Variants in SEMA3A observed in about 807,000 individuals in gnomAD.
SEMA3A encodes semaphorin 3A.
Under a neutral mutation model 97.9 loss-of-function variants are expected in SEMA3A, and 29 were observed. The observed-to-expected ratio is 0.30, with a 90% CI of 0.22 to 0.40. The LOEUF (loss-of-function observed/expected upper bound fraction) is 0.40, where lower values mean the gene tolerates loss of function less well. SEMA3A is among the 10% of genes least tolerant of loss of function. The pLI, the probability that SEMA3A is intolerant of heterozygous loss-of-function variation, is 1.00. For synonymous variants in SEMA3A, 321 were observed against 323.7 expected, an observed-to-expected ratio of 0.99 and a Z score of 0.09; for missense variants, 763 against 951.3, an observed-to-expected ratio of 0.80 and a Z score of 2.60.
upstream of SEMA3A, among the ~76,000 whole-genome samples, chr7:84,196,353 TTCTCTC>T (rs60887913): frequency 4.2e-4 from 62 of 149,046 alleles, no homozygotes; most frequent in East Asian, 6.0e-4. Context: ...TCGCTCTGCT[TTCTCTC>T]TCTCTCTCTC....
At chr7:84,261,360 T>C (rs1464828492) in intron 3 of SEMA3A, among the ~76,000 whole-genome samples, 3 of 152,050 alleles carry the variant, frequency 2.0e-5, no homozygotes, top group Admixed American at 6.5e-5. Flanking sequence ...AGAGCTATAA[T>C]ACAAATAGGC....
At chr7:84,144,932 C>G (rs73177461) in intron 1 of SEMA3A, among the ~76,000 whole-genome samples, 4,325 of 152,210 alleles carry the variant, frequency 0.028, 93 homozygotes, top group South Asian at 0.072. Flanking sequence ...TTTACACACT[C>G]ATTTGTTTTC....
intron 1 of SEMA3A, among the ~76,000 whole-genome samples, chr7:84,163,414 G>T (rs1797104623): frequency 1.3e-5 from 2 of 151,986 alleles, no homozygotes; most frequent in Admixed American, 1.3e-4. Context: ...GAAACCAACT[G>T]TCCTTATGTT....
intron 3 of SEMA3A, among the ~76,000 whole-genome samples, chr7:84,304,355 G>C (rs1302118422): frequency 3.9e-5 from 6 of 151,958 alleles, no homozygotes; most frequent in African/African-American, 1.4e-4. Context: ...TTTGAGAAGT[G>C]TTATAATAAA....
chr7:84,219,405 C>T (rs1798823479), intron 3 of SEMA3A, among the ~76,000 whole-genome samples: 2 of 152,036 alleles, frequency 1.3e-5, no homozygotes, highest in African/African-American at 4.8e-5. Context: ...TAAGTACACA[C>T]AAAAATAGTT....
intron 3 of SEMA3A, among the ~76,000 whole-genome samples, chr7:84,251,823 A>G (rs1799617050): frequency 6.6e-6 from 1 of 152,198 alleles, no homozygotes; most frequent in African/African-American, 2.4e-5. Flanking sequence ...AAGAGAACCT[A>G]GACCTTCTTT....
At chr7:84,373,029 T>G (rs577060655) in intron 1 of SEMA3A, among the ~76,000 whole-genome samples, 7 of 152,320 alleles carry the variant, frequency 4.6e-5, no homozygotes, top group African/African-American at 1.7e-4. Context: ...TTCGCTCTCT[T>G]GTCCTTTTGC....
intron 1 of SEMA3A, among the ~76,000 whole-genome samples, chr7:84,408,811 A>G (rs926429250): frequency 4.0e-5 from 6 of 151,232 alleles, no homozygotes; most frequent in African/African-American, 1.2e-4. Context: ...ACCAAACACC[A>G]CATGTTCTCA....
intron 1 of SEMA3A, among the ~76,000 whole-genome samples, chr7:84,401,144 A>G (rs1803890453): frequency 6.6e-6 from 1 of 152,182 alleles, no homozygotes. Flanking sequence ...AAAGACTGTT[A>G]TGGCTGATAA....
chr7:84,424,531 A>AATATATAAATATTAATATATAATATATT (rs1804702888), intron 1 of SEMA3A, among the ~76,000 whole-genome samples: 1 of 63,722 alleles, frequency 1.6e-5, no homozygotes, highest in African/African-American at 7.0e-5. Flanking sequence ...TGTTATATAT[A>AATATATAAATATTAATATATAATATATT]ATATATAAAT....
At position 84,315,478 on chromosome 7, in the gene SEMA3A, A is replaced by G. The variant is rs17158826; in HGVS notation, c.-168-8186T>C. Among the ~76,000 whole-genome samples the G allele has an allele frequency of 0.013, 1,918 of 152,274 alleles. 63 individuals are homozygous for G. The East Asian group carries it at 0.15, about 12-fold the overall frequency. ...ATATAATCATTGTATAGAAACAAAT[A>G]AAAAATCATCTAGATGGTCTCTGGT... On this transcript the variant is annotated intron_variant, in intron 2 of 3. Transcript: ENST00000424555.
chr7:84,304,659 T>C (rs1372648523), intron 3 of SEMA3A, among the ~76,000 whole-genome samples: 1 of 152,096 alleles, frequency 6.6e-6, no homozygotes, highest in Non-Finnish European at 1.5e-5. Context: ...AATAATTTTC[T>C]CAAAGTCAAA....
chr7:84,326,809 C>T (rs1478613023), intron 2 of SEMA3A, among the ~76,000 whole-genome samples: 1 of 151,856 alleles, frequency 6.6e-6, no homozygotes, highest in South Asian at 2.1e-4. Flanking sequence ...ACATCATATA[C>T]AAAAATTAAC....
chr7:84,417,450 T>C (rs1351052520), intron 1 of SEMA3A, among the ~76,000 whole-genome samples: 1 of 152,104 alleles, frequency 6.6e-6, no homozygotes, highest in Non-Finnish European at 1.5e-5. Context: ...GATAAACATG[T>C]ATAAATGTAA....
At chr7:84,410,435 A>G (rs1269299811) in intron 1 of SEMA3A, among the ~76,000 whole-genome samples, 1 of 152,108 alleles carries the variant, frequency 6.6e-6, no homozygotes, top group African/African-American at 2.4e-5. Flanking sequence ...TTAATTCCCA[A>G]CCCAGATTGC....
chr7:84,151,875 G>T (rs973879201), intron 1 of SEMA3A, among the ~76,000 whole-genome samples: 4 of 152,040 alleles, frequency 2.6e-5, no homozygotes, highest in African/African-American at 9.7e-5. Flanking sequence ...TCAAAAAGTG[G>T]GCAAAGGACA....
chr7:84,415,520 A>G (rs1428121556), intron 1 of SEMA3A, among the ~76,000 whole-genome samples: 1 of 152,138 alleles, frequency 6.6e-6, no homozygotes, highest in Non-Finnish European at 1.5e-5. Context: ...TTATTTTCAT[A>G]TTGCTTTCAA....
At chr7:84,249,411 C>CTATCTATCTATT (rs1026810271) in intron 3 of SEMA3A, among the ~76,000 whole-genome samples, 2 of 151,630 alleles carry the variant, frequency 1.3e-5, no homozygotes, top group African/African-American at 4.9e-5. Flanking sequence ...ATCTATCTAT[C>CTATCTATCTATT]TATCTATCAT....
intron 12 of SEMA3A, among the ~76,000 whole-genome samples, chr7:83,991,333 C>A (rs982454668): frequency 1.3e-5 from 2 of 151,798 alleles, no homozygotes; most frequent in African/African-American, 2.4e-5. Flanking sequence ...CCTAATTGCC[C>A]TGGCCAGAAC....
Sources: gnomAD v4.1 joint callset for allele counts (sites outside exome capture counted in the v4.1 genomes callset) on GRCh38, gnomAD v4.1.1 for gene constraint, MANE v1.5 for transcripts, NCBI Gene and HGNC (gene_info 2026-07-23, HGNC 2026-07-21) for gene names.